TDRD15: variants seen among roughly 807,000 people sequenced by gnomAD.
The protein encoded by TDRD15 is tudor domain-containing protein 15.
For synonymous variants in TDRD15, 503 were observed against 314.5 expected (o/e 1.60, Z -6.34); for missense variants, 1,416 against 904.7 (o/e 1.57, Z -7.25).
intron 2 of TDRD15, among the ~76,000 whole-genome samples, chr2:21,128,649 G>C (rs561181054): frequency 6.6e-6 from 1 of 152,048 alleles, no homozygotes; most frequent in Admixed American, 6.5e-5. Flanking sequence ...AGCAATTTTA[G>C]CATATATGTA....
chr2:21,128,586 T>C (rs1665646813), intron 2 of TDRD15, among the ~76,000 whole-genome samples: 1 of 152,088 alleles, frequency 6.6e-6, no homozygotes, highest in Non-Finnish European at 1.5e-5. Flanking sequence ...CCTCCCAAAT[T>C]GCTGGGATTA....
chr2:21,126,225 G>C (rs1400681052), intron 1 of TDRD15, among the ~76,000 whole-genome samples: 1 of 152,088 alleles, frequency 6.6e-6, no homozygotes, highest in Non-Finnish European at 1.5e-5. Flanking sequence ...GTCAATCACT[G>C]ATCTTTCTGT....
chr2:21,133,794 A>G (rs1665760412), intron 2 of TDRD15, among the ~76,000 whole-genome samples: 1 of 152,080 alleles, frequency 6.6e-6, no homozygotes, highest in Non-Finnish European at 1.5e-5. Flanking sequence ...CACTAACCAC[A>G]TATAGCTATT....
intron 2 of TDRD15, among the ~76,000 whole-genome samples, chr2:21,132,774 ATTCTTTTAGATAGTTTTAATAAATTAG>A (rs1665743235): frequency 6.6e-6 from 1 of 152,136 alleles, no homozygotes; most frequent in Non-Finnish European, 1.5e-5. Context: ...TTTTCTTCTA[ATTCTTTTAGATAGTTTTAATAAATTAG>A]TTCTTTTATC....
chr2:21,134,389 C>A (rs187760546), intron 2 of TDRD15, among the ~76,000 whole-genome samples: 5 of 151,976 alleles, frequency 3.3e-5, no homozygotes, highest in Non-Finnish European at 5.9e-5. Context: ...TAGATTAACT[C>A]ATTGATTATT....
chr2:21,137,877 C>T lies in TDRD15; in HGVS notation c.410C>T (p.Ser137Phe). The change falls in exon 4 of 4, where the codon TCC becomes TTC. Residue 137 changes from serine (S) to phenylalanine (F), a missense_variant. Coordinates refer to ENST00000405799, the MANE Select transcript of TDRD15 (RefSeq NM_001306137.2). The part of the protein sequence containing the change: ...ANILPVGEKW[S>F]PKALNYFKSL... ...ATACTACCAGTTGGGGAAAAATGGT[C>T]CCCTAAAGCTTTGAATTATTTCAAG... The T allele has an allele frequency of 2.8e-6, 2 of 715,742 alleles. No individual in the cohort carries two copies. Among genetic ancestry groups the T allele is most frequent in the East Asian group, 2.7e-5 (1 of 37,272 alleles). The allele number at this position is 715,742 out of a possible 1,614,324, so 44.3% of individuals were successfully genotyped here.
chr2:21,142,591 C>T lies in TDRD15; in HGVS notation c.5124C>T (p.Tyr1708=), dbSNP rs1277102584. ...AACTTAGACTTGCAGAAATTGTTTA[C>T]AACATTGAATCTAAGACTCCTGTAT... is the stretch of plus-strand genomic sequence containing the variant. ...ENKLRLAEIV[Y]NIESKTPVSS... Residue 1708 remains tyrosine (Y), a synonymous_variant, in exon 4 of 4, where the codon TAC becomes TAT. Transcript: ENST00000405799. The T allele has an allele frequency of 2.8e-6, 2 of 711,144 alleles. No individual in the cohort carries two copies. Among genetic ancestry groups the T allele is most frequent in the African/African-American group, 1.8e-5 (1 of 56,934 alleles). 44.1% of individuals were successfully genotyped at this position (711,144 alleles called of 1,614,324 possible).
At chr2:21,126,441 G>A (rs1665599223) in intron 1 of TDRD15, among the ~76,000 whole-genome samples, 1 of 150,948 alleles carries the variant, frequency 6.6e-6, no homozygotes, top group Admixed American at 6.6e-5. Context: ...ACCTCGTCTC[G>A]CCGCAATCTC....
rs978082580 is a variant in TDRD15, at chr2:21,138,184, A to G, written c.717A>G (p.Val239=). ...VLDKLQPSLS[V]GSTESVKVSS... Reference sequence around the variant, plus strand: ...ATAAGTTGCAGCCATCTTTGTCAGTAGGAAGTACTGAAAGTGTAAAGGTAT... The same window carrying G: ...ATAAGTTGCAGCCATCTTTGTCAGTGGGAAGTACTGAAAGTGTAAAGGTAT... Residue 239 remains valine, a synonymous_variant, in exon 4 of 4, where the codon GTA becomes GTG. Transcript: ENST00000405799. The G allele has an allele frequency of 7.0e-6, 5 of 716,788 alleles. No homozygotes were observed. The African/African-American group carries it at 8.7e-5, about 13-fold the overall frequency. 44.4% of individuals were successfully genotyped at this position (716,788 alleles called of 1,614,324 possible). A position where few individuals can be genotyped will look rare whatever the true frequency, so the allele number is the denominator to read the frequency against.
At chr2:21,128,767 C>A (rs1665650265) in intron 2 of TDRD15, among the ~76,000 whole-genome samples, 1 of 149,308 alleles carries the variant, frequency 6.7e-6, no homozygotes, top group African/African-American at 2.5e-5. Context: ...TTTCTTCTAA[C>A]TTTATGGCAT....
Position 21,138,094 on chromosome 2 carries a change from A to C in TDRD15, c.627A>C (p.Gln209His), listed in dbSNP as rs1352600710. The C allele has an allele frequency of 1.4e-6, 1 of 716,328 alleles. No individual in the cohort carries two copies. Among genetic ancestry groups the C allele is most frequent in the Non-Finnish European group, 2.6e-6 (1 of 384,406 alleles). 44.4% of individuals were successfully genotyped at this position (716,328 alleles called of 1,614,324 possible). A position where few individuals can be genotyped will look rare whatever the true frequency, so the allele number is the denominator to read the frequency against. The change falls in exon 4 of 4, where the codon CAA (glutamine) becomes CAC (histidine). Residue 209 changes from glutamine (Q) to histidine (H), a missense_variant. Gln to His is a conservative substitution (Grantham distance 24). Coordinates refer to ENST00000405799, the MANE Select transcript of TDRD15 (RefSeq NM_001306137.2). ...EFPQQMPDLL[Q>H]HKRPELSLGN... is the part of the protein sequence containing the mutation. ...CTCAACAAATGCCAGATTTATTACA[A>C]CATAAAAGGCCTGAATTGTCATTAG...
At chr2:21,134,602 A>C (rs2103440424) in intron 2 of TDRD15, among the ~76,000 whole-genome samples, 160 bp from the exon 3 acceptor site, 1 of 152,144 alleles carries the variant, frequency 6.6e-6, no homozygotes, top group Middle Eastern at 3.4e-3. Flanking sequence ...TACTGACTTC[A>C]AAATTTTATA....
chr2:21,132,043 A>C (rs563197679), intron 2 of TDRD15, among the ~76,000 whole-genome samples: 4 of 152,246 alleles, frequency 2.6e-5, no homozygotes, highest in African/African-American at 9.6e-5. Context: ...CTAGAAGGGG[A>C]TCTTCTGACC....
rs538605749 is a variant in TDRD15 at position 21,131,447 on chromosome 2, G to A, written c.-89-3315G>A. Among the ~76,000 whole-genome samples, 194 of 152,190 alleles carry A rather than the reference G, an allele frequency of 1.3e-3. 1 individual carries two copies. Among genetic ancestry groups the A allele is most frequent in the Middle Eastern group, 6.8e-3 (2 of 294 alleles). The stretch of plus-strand genomic sequence containing the variant: ...ATATTCCACATTGTAAACTAACTTC[G>A]AAGAAACTACTACTCATTGAGTTGT... On this transcript the variant is annotated intron_variant, in intron 2 of 3. Transcript: ENST00000405799.
chr2:21,144,355 T>C lies in TDRD15; in HGVS notation c.*1083T>C, dbSNP rs1665998627. ...GTTTGTTTTGACTTTATAAATAAAATGTATATTATTCCACATTCTGTATTA... is the reference window on the plus strand; with the variant it reads ...GTTTGTTTTGACTTTATAAATAAAACGTATATTATTCCACATTCTGTATTA... On this transcript the variant is annotated 3_prime_UTR_variant, in exon 4 of 4. Coordinates refer to ENST00000405799, the MANE Select transcript of TDRD15 (RefSeq NM_001306137.2). Among the ~76,000 whole-genome samples the C allele has an allele frequency of 6.6e-6, 1 of 151,890 alleles. No individual in the cohort carries two copies. Among genetic ancestry groups the C allele is most frequent in the African/African-American group, 2.4e-5 (1 of 41,420 alleles).
intron 2 of TDRD15, among the ~76,000 whole-genome samples, chr2:21,133,280 C>T (rs1317883266): frequency 2.0e-5 from 3 of 152,024 alleles, no homozygotes; most frequent in African/African-American, 7.2e-5. Context: ...AGAATACTGG[C>T]CAAAGTTTGA....
Position 21,140,435 on chromosome 2 carries a change from G to A in TDRD15, c.2968G>A (p.Asp990Asn), listed in dbSNP as rs1665899256. The A allele has an allele frequency of 1.4e-6, 1 of 700,420 alleles. No individual in the cohort carries two copies. The highest frequency in any genetic ancestry group is 2.7e-5 in the East Asian group (1 of 37,134). The allele number at this position is 700,420 out of a possible 1,614,324, so 43.4% of individuals were successfully genotyped here. ...FYCQLGRNNKDLEMIETKITE... is the reference protein window; with the variant it reads ...FYCQLGRNNKNLEMIETKITE... ...TTGCCAGCTTGGCAGAAATAATAAA[G>A]ATCTAGAGATGATAGAAACAAAAAT... Residue 990 changes from aspartate to asparagine, a missense_variant, in exon 4 of 4, where the codon GAT becomes AAT. Coordinates refer to ENST00000405799, the MANE Select transcript of TDRD15 (RefSeq NM_001306137.2).
At chr2:21,125,429 G>GGT (rs77767650) in intron 1 of TDRD15, among the ~76,000 whole-genome samples, 1,547 of 147,148 alleles carry the variant, frequency 0.011, 20 homozygotes, top group African/African-American at 0.028. Flanking sequence ...CGAATGCCAG[G>GGT]GTGTGTGTGT....
downstream of TDRD15, among the ~76,000 whole-genome samples, chr2:21,145,173 T>C (rs941624257): frequency 4.6e-5 from 7 of 152,006 alleles, no homozygotes; most frequent in African/African-American, 1.7e-4. Flanking sequence ...TCCTCCAAGC[T>C]ATTATCACCA....
Sources: allele counts gnomAD v4.1 joint callset (sites outside exome capture counted in the v4.1 genomes callset), GRCh38; gene constraint gnomAD v4.1.1; transcripts MANE v1.5; gene names NCBI Gene and HGNC (gene_info 2026-07-23, HGNC 2026-07-21).